SAMD12: variants seen among roughly 807,000 people sequenced by gnomAD.
SAMD12 encodes sterile alpha motif domain containing 12, also known as sterile alpha motif domain-containing protein 12.
In SAMD12, 9 loss-of-function variants were observed where a neutral mutation model predicts 15.0. That is an observed-to-expected ratio of 0.60 (90% CI 0.36 to 1.05). SAMD12 has a LOEUF of 1.05. Among genes scored for constraint, SAMD12 ranks in the 50% least tolerant of loss-of-function variants. The pLI is 0.01. For synonymous variants in SAMD12, 86 were observed against 90.1 expected (o/e 0.96, Z 0.25); for missense variants, 230 against 234.2 (o/e 0.98, Z 0.12).
chr8:118,371,447 T>G (rs1015691442), intron 4 of SAMD12, among the ~76,000 whole-genome samples: 1 of 151,810 alleles, frequency 6.6e-6, no homozygotes, highest in Admixed American at 6.6e-5. Flanking sequence ...CTGGGAAAGA[T>G]GGGAAACTCA....
At chr8:118,163,202 C>T in the SAMD12 span, among the ~76,000 whole-genome samples, 2 of 151,990 alleles carry the variant, frequency 1.3e-5, no homozygotes, top group Non-Finnish European at 2.9e-5. Flanking sequence ...GTAGCCTTGA[C>T]CCAAGCAGTT....
At chr8:118,549,216 G>C (rs1036102492) in intron 2 of SAMD12, among the ~76,000 whole-genome samples, 6 of 152,254 alleles carry the variant, frequency 3.9e-5, no homozygotes, top group African/African-American at 1.4e-4. Context: ...AGAACGGGCA[G>C]ACTGCCACCT....
chr8:118,145,960 G>T, the SAMD12 span, among the ~76,000 whole-genome samples: 1 of 152,218 alleles, frequency 6.6e-6, no homozygotes, highest in Non-Finnish European at 1.5e-5. Flanking sequence ...CAGCTAAATA[G>T]CCAGTTCTTT....
chr8:118,309,324 G>A (rs547407480), intron 4 of SAMD12, among the ~76,000 whole-genome samples: 6 of 151,104 alleles, frequency 4.0e-5, no homozygotes, highest in African/African-American at 4.9e-5. Context: ...CCATTATTTC[G>A]TTCTTTCTTA....
intron 2 of SAMD12, among the ~76,000 whole-genome samples, chr8:118,529,493 C>T (rs1465877541): frequency 6.6e-6 from 1 of 152,184 alleles, no homozygotes; most frequent in East Asian, 1.9e-4. Flanking sequence ...AACCATCACC[C>T]AAATAGTGTA....
chr8:118,571,099 T>C (rs1319950790), intron 2 of SAMD12, among the ~76,000 whole-genome samples: 1 of 152,306 alleles, frequency 6.6e-6, no homozygotes, highest in African/African-American at 2.4e-5. Flanking sequence ...CAATAAACTG[T>C]ATTGTATAAA....
intron 3 of SAMD12, among the ~76,000 whole-genome samples, chr8:118,398,364 A>G (rs1489960977): frequency 1.3e-5 from 2 of 152,168 alleles, no homozygotes; most frequent in Non-Finnish European, 2.9e-5. Context: ...GTGCCACTGC[A>G]CTCCACCCTG....
the SAMD12 span, among the ~76,000 whole-genome samples, chr8:118,151,655 C>T: frequency 2.0e-5 from 3 of 151,740 alleles, no homozygotes; most frequent in South Asian, 2.1e-4. Context: ...GGTGAAACCT[C>T]ATCTCTACTA....
intron 1 of SAMD12, among the ~76,000 whole-genome samples, chr8:118,602,761 C>T (rs1347257957): frequency 6.6e-6 from 1 of 152,118 alleles, no homozygotes; most frequent in Non-Finnish European, 1.5e-5. Flanking sequence ...CCATTCATAC[C>T]TAGAGAGCTT....
At chr8:118,301,444 G>A (rs1307592651) in intron 4 of SAMD12, among the ~76,000 whole-genome samples, 1 of 152,118 alleles carries the variant, frequency 6.6e-6, no homozygotes, top group East Asian at 1.9e-4. Flanking sequence ...TACAAAAGCA[G>A]CTCAGCCATC....
intron 4 of SAMD12, among the ~76,000 whole-genome samples, chr8:118,232,415 T>C (rs1365299777): frequency 6.6e-6 from 1 of 151,978 alleles, no homozygotes; most frequent in African/African-American, 2.4e-5. Context: ...AGAAAGAACA[T>C]GGGGTATTTG....
intron 4 of SAMD12, among the ~76,000 whole-genome samples, chr8:118,286,634 G>T (rs1393578140): frequency 6.6e-6 from 1 of 152,208 alleles, no homozygotes; most frequent in African/African-American, 2.4e-5. Context: ...AAGCCAGCGT[G>T]GTAGGACCAT....
At chr8:118,326,406 C>A (rs1481736874) in intron 4 of SAMD12, among the ~76,000 whole-genome samples, 2 of 152,112 alleles carry the variant, frequency 1.3e-5, no homozygotes, top group African/African-American at 4.8e-5. Flanking sequence ...TATTTTTACA[C>A]CCAAAGTATA....
chr8:118,455,686 G>C (rs1823226632), intron 2 of SAMD12, among the ~76,000 whole-genome samples: 2 of 152,110 alleles, frequency 1.3e-5, no homozygotes, highest in African/African-American at 4.8e-5. Flanking sequence ...CCAACAAACA[G>C]AACTTTCAAA....
chr8:118,515,054 T>C (rs1370169418), intron 2 of SAMD12, among the ~76,000 whole-genome samples: 1 of 152,162 alleles, frequency 6.6e-6, no homozygotes, highest in African/African-American at 2.4e-5. Context: ...AGTCTCACTC[T>C]GTCGCCCAGG....
At chr8:118,351,671 C>G (rs1817971678) in intron 4 of SAMD12, among the ~76,000 whole-genome samples, 1 of 152,064 alleles carries the variant, frequency 6.6e-6, no homozygotes. Flanking sequence ...TTTCTGGGAG[C>G]AGAAAGTTGA....
chr8:118,391,134 A>T (rs1263623732), intron 3 of SAMD12, among the ~76,000 whole-genome samples: 3 of 152,180 alleles, frequency 2.0e-5, no homozygotes, highest in Admixed American at 6.5e-5. Context: ...CATCCAAAAA[A>T]TTAATTTTTA....
intron 4 of SAMD12, among the ~76,000 whole-genome samples, chr8:118,223,591 G>A (rs1047557111): frequency 6.6e-6 from 1 of 152,194 alleles, no homozygotes; most frequent in Non-Finnish European, 1.5e-5. Flanking sequence ...TTCTGTTAGA[G>A]ACTGGCTCCT....
At chr8:118,516,730 C>T (rs1825255710) in intron 2 of SAMD12, among the ~76,000 whole-genome samples, 1 of 151,652 alleles carries the variant, frequency 6.6e-6, no homozygotes, top group African/African-American at 2.4e-5. Context: ...CCTCCGCCTC[C>T]TGGGTTTAAG....
Sources: allele counts gnomAD v4.1 joint callset (sites outside exome capture counted in the v4.1 genomes callset), GRCh38; gene constraint gnomAD v4.1.1; transcripts MANE v1.5; gene names NCBI Gene and HGNC (gene_info 2026-07-23, HGNC 2026-07-21).